The following BAALC variants were observed in gnomAD, a reference collection of about 807,000 sequenced individuals.
BAALC encodes BAALC binder of MAP3K1 and KLF4, also known as brain and acute leukemia cytoplasmic protein.
Under a neutral mutation model 15.5 loss-of-function variants are expected in BAALC, and 9 were observed. That is an observed-to-expected ratio of 0.58 (90% CI 0.35 to 1.02). The LOEUF is 1.02. Ranked by LOEUF, BAALC falls within the 50% of genes least tolerant of loss-of-function variation. The pLI is 0.02. For missense variants in BAALC, 201 were observed against 192.4 expected (o/e 1.04, Z -0.27); for synonymous variants, 80 against 74.6 (o/e 1.07, Z -0.37).
At chr8:103,210,899 T>C (rs186984764) in intron 1 of BAALC, among the ~76,000 whole-genome samples, 6 of 152,332 alleles carry the variant, frequency 3.9e-5, no homozygotes, top group Non-Finnish European at 8.8e-5. Context: ...TTTGAAAATA[T>C]ATTGCAGAAG....
At chr8:103,173,721 C>CT (rs1811547728) in intron 1 of BAALC, among the ~76,000 whole-genome samples, 1 of 152,156 alleles carries the variant, frequency 6.6e-6, no homozygotes, top group South Asian at 2.1e-4. Context: ...AAACTTTATA[C>CT]TTAAAGTTCC....
intron 1 of BAALC, among the ~76,000 whole-genome samples, chr8:103,164,245 T>G (rs751472949): frequency 9.9e-5 from 15 of 151,612 alleles, no homozygotes; most frequent in Non-Finnish European, 1.9e-4. Flanking sequence ...AGGCACAGAG[T>G]GAGGTGAAAG....
At chr8:103,147,794 T>G (rs1810908580) in intron 1 of BAALC, among the ~76,000 whole-genome samples, 3 of 152,094 alleles carry the variant, frequency 2.0e-5, no homozygotes, top group Admixed American at 2.0e-4. Flanking sequence ...CAAAATCCTA[T>G]CCCTATAAAG....
intron 1 of BAALC, chr8:103,198,194 G>T (rs1468874844): frequency 1.4e-6 from 1 of 696,628 alleles, no homozygotes; most frequent in South Asian, 1.5e-5. Context: ...TGTAAAATAG[G>T]CATTGCAATG....
At chr8:103,195,144 C>G (rs1054013092) in intron 1 of BAALC, among the ~76,000 whole-genome samples, 2 of 152,096 alleles carry the variant, frequency 1.3e-5, no homozygotes, top group Non-Finnish European at 2.9e-5. Flanking sequence ...GCCCTCAGCA[C>G]CTTACTGGAG....
intron 1 of BAALC, among the ~76,000 whole-genome samples, chr8:103,203,189 A>G (rs1255245388): frequency 6.6e-6 from 1 of 152,192 alleles, no homozygotes; most frequent in Non-Finnish European, 1.5e-5. Context: ...CCCTATGGCC[A>G]ACGGCAGATG....
chr8:103,223,034 C>A (rs1377765831), intron 2 of BAALC, among the ~76,000 whole-genome samples: 1 of 152,118 alleles, frequency 6.6e-6, no homozygotes, highest in Non-Finnish European at 1.5e-5. Context: ...GCGGGCCGGG[C>A]GTGGTGGCTG....
In BAALC at chr8:103,141,077, C is replaced by A; in HGVS notation, c.160+20C>A. On this transcript the variant is annotated intron_variant, in intron 1 of 2. Transcript: ENST00000309982. ...ACTCGGGTAAGTGGCCGGGCCCCTG[C>A]AGACCCTCGCCCGCCCGCTACCCCG... The A allele has an allele frequency of 7.0e-7, 1 of 1,437,346 alleles. No homozygotes were observed. Among genetic ancestry groups the A allele is most frequent in the East Asian group, 3.0e-5 (1 of 33,672 alleles). 89.0% of individuals were successfully genotyped at this position (1,437,346 alleles called of 1,614,324 possible).
intron 1 of BAALC, among the ~76,000 whole-genome samples, chr8:103,159,671 A>C (rs1811178453): frequency 1.3e-5 from 2 of 149,746 alleles, no homozygotes; most frequent in Admixed American, 1.3e-4. Context: ...TTGACTCTTG[A>C]CTCCTTTTCA....
intron 1 of BAALC, among the ~76,000 whole-genome samples, chr8:103,146,042 T>C (rs556537734): frequency 7.9e-5 from 12 of 152,200 alleles, no homozygotes; most frequent in Non-Finnish European, 1.6e-4. Flanking sequence ...GTTCACTGAA[T>C]AGACATTTGG....
intron 1 of BAALC, among the ~76,000 whole-genome samples, chr8:103,186,415 C>T (rs1352150319): frequency 1.3e-5 from 2 of 152,198 alleles, no homozygotes; most frequent in South Asian, 2.1e-4. Flanking sequence ...TGCTGTTTGA[C>T]GGCAAAGCCA....
Position 103,194,784 on chromosome 8 carries a change from A to G in BAALC, c.161-18135A>G, listed in dbSNP as rs149385866. Among the ~76,000 whole-genome samples, 795 of 152,310 alleles carry G rather than the reference A, an allele frequency of 5.2e-3. 4 individuals carry two copies. The highest frequency in any genetic ancestry group is 0.017 in the African/African-American group (707 of 41,564). On this transcript the variant is annotated intron_variant, in intron 1 of 2. Coordinates refer to ENST00000309982, the MANE Select transcript of BAALC (RefSeq NM_024812.3). ...CTAGTGCCCTCACATGGCAGAAGAG[A>G]CAAAGGGCAAAAAGGGCACAAATGC...
At position 103,178,270 on chromosome 8, in the gene BAALC, C is replaced by T. The variant is rs1399040478; in HGVS notation, c.161-34649C>T. On this transcript the variant is annotated intron_variant, in intron 1 of 2. Transcript: ENST00000309982. The stretch of plus-strand genomic sequence containing the variant: ...TATGAGAATGTGATTAACAGAAGGG[C>T]GACATGAAGAATCCTTGTGGTGATG... 2.0e-5 allele frequency among the ~76,000 whole-genome samples: 3 copies of T among 152,102 alleles called. No individual in the cohort carries two copies. In the East Asian group the frequency reaches 5.8e-4, roughly 29 times the overall value.
At chr8:103,200,682 T>C in intron 1 of BAALC, 1 of 699,114 alleles carries the variant, frequency 1.4e-6, no homozygotes, top group Middle Eastern at 2.3e-4. Context: ...AAGTCCAAGA[T>C]CAAGGCACCA....
chr8:103,164,215 G>A (rs927590754), intron 1 of BAALC, among the ~76,000 whole-genome samples: 1 of 152,142 alleles, frequency 6.6e-6, no homozygotes, highest in Non-Finnish European at 1.5e-5. Flanking sequence ...CCTGAGACAG[G>A]AATGGGCTTA....
intron 1 of BAALC, among the ~76,000 whole-genome samples, chr8:103,169,139 C>T (rs1811419751): frequency 6.6e-6 from 1 of 151,980 alleles, no homozygotes; most frequent in South Asian, 2.1e-4. Flanking sequence ...CTCTAATTTT[C>T]TTATCTTTCC....
intron 1 of BAALC, among the ~76,000 whole-genome samples, chr8:103,186,236 G>T (rs1014675078): frequency 2.0e-5 from 3 of 152,154 alleles, no homozygotes; most frequent in Admixed American, 6.5e-5. Context: ...TAAGGCACCT[G>T]CTAAGTGTCA....
intron 1 of BAALC, among the ~76,000 whole-genome samples, chr8:103,160,996 C>G (rs1811212327): frequency 6.6e-6 from 1 of 152,138 alleles, no homozygotes; most frequent in Non-Finnish European, 1.5e-5. Context: ...TCCTTCAATC[C>G]AATCAAGTTG....
At chr8:103,204,528 C>G (rs1320694707) in intron 1 of BAALC, among the ~76,000 whole-genome samples, 1 of 152,086 alleles carries the variant, frequency 6.6e-6, no homozygotes, top group African/African-American at 2.4e-5. Context: ...CCTATATTTT[C>G]CTTTCAGTGT....
Sources: allele counts gnomAD v4.1 joint callset (sites outside exome capture counted in the v4.1 genomes callset), GRCh38; gene constraint gnomAD v4.1.1; transcripts MANE v1.5; gene names NCBI Gene and HGNC (gene_info 2026-07-23, HGNC 2026-07-21).